Variants in TRIM51 observed in about 807,000 individuals in gnomAD.
The protein encoded by TRIM51 is tripartite motif-containing protein 51.
In TRIM51, 23 loss-of-function variants were observed where a neutral mutation model predicts 32.7. The observed-to-expected ratio is 0.70, with a 90% CI of 0.51 to 1.00. TRIM51 has a LOEUF of 1.00. Among genes scored for constraint, TRIM51 ranks in the 50% least tolerant of loss-of-function variants. TRIM51 has a pLI of 0.00. For synonymous variants in TRIM51, 177 were observed against 181.9 expected, an observed-to-expected ratio of 0.97 and a Z score of 0.22; for missense variants, 592 against 539.2, an observed-to-expected ratio of 1.10 and a Z score of -0.97.
rs1854599862 is a variant in TRIM51, at chr11:55,888,094, C to T, written c.570C>T (p.Leu190=). ...RAEYQKMPAF[L]HEEEQHHLER... The stretch of plus-strand genomic sequence containing the variant: ...AATATCAGAAGATGCCTGCATTTCT[C>T]CATGAAGAAGAGCAACATCACTTGG... Residue 190 remains leucine (L), a synonymous_variant, in exon 4 of 7, where the codon CTC becomes CTT. Transcript: ENST00000449290. The T allele has an allele frequency of 6.2e-7, 1 of 1,613,388 alleles. No homozygotes were observed. The highest frequency in any genetic ancestry group is 1.3e-5 in the African/African-American group (1 of 74,866).
At chr11:55,884,140 T>C (rs1315262850) in intron 1 of TRIM51, among the ~76,000 whole-genome samples, 1 of 131,444 alleles carries the variant, frequency 7.6e-6, no homozygotes, top group Non-Finnish European at 1.6e-5. Flanking sequence ...AACCATAGGA[T>C]GTGTACATAA....
Position 55,885,800 on chromosome 11 carries a change from C to T in TRIM51, c.372C>T (p.His124=), listed in dbSNP as rs374956832. ...CCAACTCTCAGGAGCACCGGAATCA[C>T]ATACACTGTCCCATTGAGTGGGCTG... ...PCSNSQEHRN[H]IHCPIEWAAE... The change falls in exon 2 of 7, where the codon CAC becomes CAT. Residue 124 remains histidine, a synonymous_variant. Transcript: ENST00000449290. 8 of 1,611,680 alleles carry T rather than the reference C, an allele frequency of 5.0e-6. No homozygotes were observed. Among genetic ancestry groups the T allele is most frequent in the South Asian group, 4.4e-5 (4 of 90,998 alleles).
intron 1 of TRIM51, among the ~76,000 whole-genome samples, chr11:55,884,162 T>A (rs1474181095): frequency 1.5e-5 from 1 of 68,800 alleles, no homozygotes; most frequent in African/African-American, 9.7e-5. Context: ...TATAACTATA[T>A]ATATATATAT....
In TRIM51 at chr11:55,888,376, G is replaced by A. The variant is rs1209390944; in HGVS notation, c.738+114G>A. The A allele has an allele frequency of 3.7e-5, 31 of 847,320 alleles. 1 individual carries two copies. The highest frequency in any genetic ancestry group is 1.8e-4 in the South Asian group (12 of 67,826). 52.5% of individuals were successfully genotyped at this position (847,320 alleles called of 1,614,324 possible). A position where few individuals can be genotyped will look rare whatever the true frequency, so the allele number is the denominator to read the frequency against. ...TTCCATTATTTGTTTCCAAAAACAC[G>A]ATTCCATAACTAATGCTACTTGGTT... On this transcript the variant is annotated intron_variant, in intron 4 of 6. Coordinates refer to ENST00000449290, the MANE Select transcript of TRIM51 (RefSeq NM_032681.4).
intron 6 of TRIM51, among the ~76,000 whole-genome samples, chr11:55,890,515 G>C (rs1854635194): frequency 6.6e-6 from 1 of 152,046 alleles, no homozygotes; most frequent in Non-Finnish European, 1.5e-5. Context: ...TAAAAAGAAA[G>C]AAGAAATTAT....
At chr11:55,890,261 A>T (rs1854631667) in intron 6 of TRIM51, among the ~76,000 whole-genome samples, 3 of 152,200 alleles carry the variant, frequency 2.0e-5, no homozygotes, top group Admixed American at 1.3e-4. Flanking sequence ...TCACATGGAT[A>T]GAGTTATATA....
intron 3 of TRIM51, 126 bp from the exon 4 acceptor site, chr11:55,887,906 T>C (rs1400746957): frequency 4.1e-6 from 3 of 738,330 alleles, no homozygotes; most frequent in Non-Finnish European, 7.0e-6. Context: ...GGATAAAATT[T>C]TGTGGAATCT....
chr11:55,888,048 G>A lies in TRIM51; in HGVS notation c.524G>A (p.Arg175Lys). 6.2e-7 allele frequency: 1 copy of A among 1,605,816 alleles called. No individual in the cohort carries two copies. Among genetic ancestry groups the A allele is most frequent in the Non-Finnish European group, 8.5e-7 (1 of 1,172,672 alleles). ...TRCWKDYVSL[R>K]IEAIRAEYQK... ...TCACTGCAGGATTATGTGAGTTTAA[G>A]GATAGAAGCAATCAGAGCTGAATAT... The change falls in exon 4 of 7, where the codon AGG becomes AAG. Residue 175 changes from arginine (R) to lysine (K), a missense_variant. Transcript: ENST00000449290.
intron 1 of TRIM51, among the ~76,000 whole-genome samples, chr11:55,885,175 A>C (rs1854559346): frequency 6.6e-6 from 1 of 152,180 alleles, no homozygotes; most frequent in Non-Finnish European, 1.5e-5. Flanking sequence ...GTTTTTGAAC[A>C]GATTTGCATT....
intron 3 of TRIM51, among the ~76,000 whole-genome samples, chr11:55,886,722 A>T (rs1590633021): frequency 6.6e-6 from 1 of 152,204 alleles, no homozygotes; most frequent in Admixed American, 6.5e-5. Flanking sequence ...GCCATAACAC[A>T]TAATGGGAAA....
At chr11:55,883,523 T>G (rs1854536802) in intron 1 of TRIM51, 139 bp downstream of exon 1, 1 of 152,166 alleles carries the variant, frequency 6.6e-6, no homozygotes, top group African/African-American at 2.4e-5. Context: ...TTTTATGACA[T>G]GAGGTTATGA....
chr11:55,889,131 C>G (rs1310749428), intron 5 of TRIM51, 130 bp downstream of exon 5: 2 of 839,204 alleles, frequency 2.4e-6, no homozygotes, highest in South Asian at 2.9e-5. Context: ...TCTCCATCCC[C>G]CACCCCATGT....
chr11:55,888,248 G>A lies in TRIM51; in HGVS notation c.724G>A (p.Val242Met), dbSNP rs1366403626. Reference protein sequence around the residue: ...DLKQMCHKADVELLQAFGDIL... With the variant: ...DLKQMCHKADMELLQAFGDIL... ...GAAGCAAATGTGCCATAAAGCAGAT[G>A]TGGAGCTACTCCAGGTATGGACTGA... is the stretch of plus-strand genomic sequence containing the variant. The change falls in exon 4 of 7, where the codon GTG (valine) becomes ATG (methionine). Residue 242 changes from valine (V) to methionine (M), a missense_variant. Val to Met is a conservative substitution (Grantham distance 21). Coordinates refer to ENST00000449290, the MANE Select transcript of TRIM51 (RefSeq NM_032681.4). 3 of 1,611,978 alleles carry A rather than the reference G, an allele frequency of 1.9e-6. No individual in the cohort carries two copies. Among genetic ancestry groups the A allele is most frequent in the African/African-American group, 2.7e-5 (2 of 74,874 alleles).
At chr11:55,884,958 A>C (rs2134532946) in intron 1 of TRIM51, among the ~76,000 whole-genome samples, 2 of 151,120 alleles carry the variant, frequency 1.3e-5, no homozygotes, top group East Asian at 3.9e-4. Flanking sequence ...TTTTTGTTTT[A>C]AAGAGCCGGC....
intron 3 of TRIM51, 50 bp from the exon 4 acceptor site, chr11:55,887,982 T>C: frequency 7.4e-7 from 1 of 1,353,758 alleles, no homozygotes; most frequent in Admixed American, 1.7e-5. Context: ...TCAGTGAAAT[T>C]CAAGAGAAGA....
At chr11:55,889,809 T>A in intron 5 of TRIM51, 133 bp from the exon 6 acceptor site, 1 of 660,124 alleles carries the variant, frequency 1.5e-6, no homozygotes, top group Non-Finnish European at 2.7e-6. Flanking sequence ...ATTTGAAAAA[T>A]AAAATGATAA....
At chr11:55,889,494 A>T (rs886223989) in intron 5 of TRIM51, among the ~76,000 whole-genome samples, 7 of 152,200 alleles carry the variant, frequency 4.6e-5, no homozygotes, top group Admixed American at 3.9e-4. Context: ...TGAACCGTGT[A>T]GGCCTCCAGA....
At position 55,883,368 on chromosome 11, in the gene TRIM51, A is replaced by T. The variant is rs1000710829; in HGVS notation, c.-21A>T. 6.6e-5 allele frequency: 10 copies of T among 152,344 alleles called. No individual in the cohort carries two copies. Among genetic ancestry groups the T allele is most frequent in the African/African-American group, 2.4e-4 (10 of 41,594 alleles). 9.4% of individuals were successfully genotyped at this position (152,344 alleles called of 1,614,324 possible). The stretch of plus-strand genomic sequence containing the variant: ...TCTTGGAAGAATTACTGCAGGAAAC[A>T]TTCATAGAACCTTGGGGTGAGTGCA... On this transcript the variant is annotated 5_prime_UTR_variant, in exon 1 of 7. Transcript: ENST00000449290.
chr11:55,885,519 G>A lies in TRIM51; in HGVS notation c.91G>A (p.Gly31Arg). 2 of 1,612,050 alleles carry A rather than the reference G, an allele frequency of 1.2e-6. No homozygotes were observed. Among genetic ancestry groups the A allele is most frequent in the Non-Finnish European group, 1.7e-6 (2 of 1,179,714 alleles). ...YFLDPVTIDCGHSFCRPCLYL... is the reference protein window; with the variant it reads ...YFLDPVTIDCRHSFCRPCLYL... ...CCTAGACCCAGTCACCATAGACTGT[G>A]GGCACAGCTTTTGCCGGCCCTGTTT... Residue 31 changes from glycine (G) to arginine (R), a missense_variant, in exon 2 of 7, where the codon GGG (glycine) becomes AGG (arginine). Coordinates refer to ENST00000449290, the MANE Select transcript of TRIM51 (RefSeq NM_032681.4).
Sources: gnomAD v4.1 joint callset for allele counts (sites outside exome capture counted in the v4.1 genomes callset) on GRCh38, gnomAD v4.1.1 for gene constraint, MANE v1.5 for transcripts, NCBI Gene and HGNC (gene_info 2026-07-23, HGNC 2026-07-21) for gene names.